ASPH: variants seen among roughly 807,000 people sequenced by gnomAD.
ASPH encodes the protein aspartyl/asparaginyl beta-hydroxylase.
Under a neutral mutation model 118.4 loss-of-function variants are expected in ASPH, and 100 were observed. The ratio of observed to expected loss-of-function variants is 0.84; its 90% CI spans 0.72 to 1.00. The LOEUF (loss-of-function observed/expected upper bound fraction) is 1.00, where lower values mean the gene tolerates loss of function less well. Among genes scored for constraint, ASPH ranks in the 50% least tolerant of loss-of-function variants. ASPH has a pLI of 0.00. For missense variants in ASPH, 920 were observed against 919.5 expected (o/e 1.00, Z -0.01); for synonymous variants, 315 against 325.6 (o/e 0.97, Z 0.35).
At chr8:61,642,787 G>T in intron 10 of ASPH, 101 bp downstream of exon 10, 1 of 1,065,954 alleles carries the variant, frequency 9.4e-7, no homozygotes, top group Non-Finnish European at 1.3e-6. Context: ...GGAGGTTGTA[G>T]TGGGCCAAGA....
intron 14 of ASPH, among the ~76,000 whole-genome samples, chr8:61,603,325 A>T (rs1844660923): frequency 6.6e-6 from 1 of 152,024 alleles, no homozygotes; most frequent in South Asian, 2.1e-4. Flanking sequence ...AGAGTTTGTT[A>T]ATTTGAAATG....
At chr8:61,670,839 A>T (rs1822121574) in intron 3 of ASPH, among the ~76,000 whole-genome samples, 1 of 151,924 alleles carries the variant, frequency 6.6e-6, no homozygotes, top group African/African-American at 2.4e-5. Flanking sequence ...AAGGGAAGAG[A>T]GAAGAAAATA....
At chr8:61,549,035 G>C (rs1301389462) in intron 20 of ASPH, among the ~76,000 whole-genome samples, 1 of 152,104 alleles carries the variant, frequency 6.6e-6, no homozygotes, top group African/African-American at 2.4e-5. Flanking sequence ...CTTTTGAATG[G>C]AAGGCTTTCT....
intron 3 of ASPH, among the ~76,000 whole-genome samples, chr8:61,678,274 T>C (rs976574436): frequency 3.3e-5 from 5 of 152,182 alleles, no homozygotes; most frequent in African/African-American, 1.2e-4. Flanking sequence ...ATTTAGTTCT[T>C]GGGTCATTTT....
intron 1 of ASPH, among the ~76,000 whole-genome samples, chr8:61,696,419 G>A (rs936919320): frequency 1.3e-5 from 2 of 152,154 alleles, no homozygotes; most frequent in African/African-American, 4.8e-5. Context: ...TACTGCCCTA[G>A]CCCACACCTC....
intron 16 of ASPH, among the ~76,000 whole-genome samples, chr8:61,575,900 G>T (rs184319747): frequency 6.6e-6 from 1 of 152,200 alleles, no homozygotes; most frequent in African/African-American, 2.4e-5. Flanking sequence ...TAGGCAAAAG[G>T]TACCACCGCT....
chr8:61,702,385 C>T (rs1390737391), intron 1 of ASPH, among the ~76,000 whole-genome samples: 1 of 150,872 alleles, frequency 6.6e-6, no homozygotes, highest in Non-Finnish European at 1.5e-5. Flanking sequence ...CCCGGGTTCA[C>T]GCCATTCTCC....
intron 16 of ASPH, among the ~76,000 whole-genome samples, chr8:61,570,566 T>C (rs1206744820): frequency 6.6e-6 from 1 of 152,204 alleles, no homozygotes; most frequent in Non-Finnish European, 1.5e-5. Context: ...GGGCCCTTTG[T>C]TTTAATGAAG....
In ASPH at chr8:61,714,291, G is replaced by A; in HGVS notation, c.81C>T (p.Ser27=). ...GACCTCTCCGGGCCCCGGGGCTGCT[G>A]CTGCCCGCACTCGTGCTACCGCTGC... ...GSGSGSTSAG[S]SSPGARRETK... The change falls in exon 1 of 25, where the codon AGC becomes AGT. Residue 27 remains serine (S), a synonymous_variant. Transcript: ENST00000379454. The A allele has an allele frequency of 6.6e-7, 1 of 1,521,432 alleles. No homozygotes were observed. 94.2% of individuals were successfully genotyped at this position (1,521,432 alleles called of 1,614,324 possible). A position where few individuals can be genotyped will look rare whatever the true frequency, so the allele number is the denominator to read the frequency against.
intron 21 of ASPH, among the ~76,000 whole-genome samples, chr8:61,531,134 C>T (rs781401000): frequency 2.0e-5 from 3 of 152,142 alleles, no homozygotes; most frequent in Non-Finnish European, 4.4e-5. Context: ...TTGTAATGCA[C>T]TTCATACTAT....
chr8:61,710,054 T>C (rs964572140), intron 1 of ASPH, among the ~76,000 whole-genome samples: 1 of 152,236 alleles, frequency 6.6e-6, no homozygotes, highest in South Asian at 2.1e-4. Context: ...TACACTTTTA[T>C]AGTCTCCAAA....
chr8:61,711,894 T>C (rs1426222538), intron 1 of ASPH, among the ~76,000 whole-genome samples: 1 of 152,224 alleles, frequency 6.6e-6, no homozygotes, highest in Non-Finnish European at 1.5e-5. Flanking sequence ...GGAAATGTAA[T>C]TGGTGATAGG....
At chr8:61,610,373 C>G (rs1042478656) in intron 14 of ASPH, among the ~76,000 whole-genome samples, 6 of 152,212 alleles carry the variant, frequency 3.9e-5, no homozygotes, top group Non-Finnish European at 8.8e-5. Flanking sequence ...CTAAAAACCT[C>G]TACTATACTT....
intron 9 of ASPH, 96 bp downstream of exon 9, chr8:61,643,290 T>G: frequency 8.1e-7 from 1 of 1,234,500 alleles, no homozygotes. Flanking sequence ...ATTACTTCTT[T>G]GATGCCTTTA....
At chr8:61,520,491 G>A (rs551773869) in intron 22 of ASPH, among the ~76,000 whole-genome samples, 9 of 152,334 alleles carry the variant, frequency 5.9e-5, no homozygotes, top group African/African-American at 2.2e-4. Flanking sequence ...ATCAAATGGA[G>A]CTCAATGTTT....
At chr8:61,612,932 G>A (rs1465882391) in intron 14 of ASPH, among the ~76,000 whole-genome samples, 1 of 152,122 alleles carries the variant, frequency 6.6e-6, no homozygotes, top group Non-Finnish European at 1.5e-5. Flanking sequence ...AATTCTTCCT[G>A]CCCACCATTC....
chr8:61,543,452 T>TG (rs1822678337), intron 21 of ASPH, among the ~76,000 whole-genome samples: 1 of 152,220 alleles, frequency 6.6e-6, no homozygotes, highest in Non-Finnish European at 1.5e-5. Flanking sequence ...CCAGATTATC[T>TG]GTTTAGTTCT....
Position 61,638,753 on chromosome 8 carries a change from G to A in ASPH, c.791-390C>T, listed in dbSNP as rs145055706. On this transcript the variant is annotated intron_variant, in intron 10 of 24. Transcript: ENST00000379454. Reference sequence around the variant, plus strand: ...TAACCTGGGGCCAAACACCTCTGCCGCCAGCCCCTGAGAATGAAGCGTTCC... The same window carrying A: ...TAACCTGGGGCCAAACACCTCTGCCACCAGCCCCTGAGAATGAAGCGTTCC... Among the ~76,000 whole-genome samples, 103 of 152,128 alleles carry A rather than the reference G, an allele frequency of 6.8e-4. 1 individual carries two copies. The highest frequency in any genetic ancestry group is 3.4e-3 in the Middle Eastern group (1 of 294).
At chr8:61,697,396 A>G (rs749762243) in intron 1 of ASPH, among the ~76,000 whole-genome samples, 5 of 152,166 alleles carry the variant, frequency 3.3e-5, no homozygotes, top group Non-Finnish European at 7.3e-5. Context: ...TCTGCAGCCA[A>G]TCAATTCTGC....
Sources: gnomAD v4.1 joint callset for allele counts (sites outside exome capture counted in the v4.1 genomes callset) on GRCh38, gnomAD v4.1.1 for gene constraint, MANE v1.5 for transcripts, NCBI Gene and HGNC (gene_info 2026-07-23, HGNC 2026-07-21) for gene names.